PHACTR1: variants seen among roughly 807,000 people sequenced by gnomAD.
PHACTR1 encodes RPEL repeat containing 1.
In PHACTR1, 16 loss-of-function variants were observed where a neutral mutation model predicts 69.2. That is an observed-to-expected ratio of 0.23 (90% CI 0.16 to 0.35). The LOEUF (loss-of-function observed/expected upper bound fraction) is 0.35. Among genes scored for constraint, PHACTR1 ranks in the 10% least tolerant of loss-of-function variants. The pLI is 1.00. For synonymous variants in PHACTR1, 312 were observed against 284.5 expected (o/e 1.10, Z -0.97); for missense variants, 510 against 734.7 (o/e 0.69, Z 3.54).
intron 4 of PHACTR1, among the ~76,000 whole-genome samples, chr6:12,926,758 C>T (rs768034549): frequency 3.9e-5 from 6 of 152,200 alleles, no homozygotes; most frequent in Admixed American, 6.5e-5. Flanking sequence ...TTTACAAATC[C>T]GTCTTACAAA....
chr6:13,273,012 G>T, intron 11 of PHACTR1, 97 bp downstream of exon 11: 1 of 1,512,958 alleles, frequency 6.6e-7, no homozygotes, highest in Non-Finnish European at 9.0e-7. Flanking sequence ...CGCCTCTGCG[G>T]AAAGCATTGA....
At chr6:12,802,997 A>T (rs998176978) in intron 4 of PHACTR1, among the ~76,000 whole-genome samples, 3 of 152,228 alleles carry the variant, frequency 2.0e-5, no homozygotes, top group Non-Finnish European at 4.4e-5. Flanking sequence ...GTGGCTTTGT[A>T]GAGGAGCCAC....
In PHACTR1 at chr6:12,754,708, C is replaced by A. The variant is rs146443328; in HGVS notation, c.250+4918C>A. 1.7e-4 allele frequency among the ~76,000 whole-genome samples: 26 copies of A among 152,338 alleles called. 1 individual carries two copies. In the East Asian group the frequency reaches 5.0e-3, roughly 29 times the overall value. Reference sequence around the variant, plus strand: ...CCTTCGGCATTCATGGGTTCCACATCTGTGGATTCAACCAACCAGGGATGG... The same window carrying A: ...CCTTCGGCATTCATGGGTTCCACATATGTGGATTCAACCAACCAGGGATGG... On this transcript the variant is annotated intron_variant, in intron 4 of 14. Transcript: ENST00000332995.
At chr6:13,069,307 A>G (rs1325601032) in intron 5 of PHACTR1, among the ~76,000 whole-genome samples, 4 of 152,136 alleles carry the variant, frequency 2.6e-5, no homozygotes, top group Admixed American at 2.0e-4. Flanking sequence ...TCTTGTCTGG[A>G]AATTCTGTCC....
intron 4 of PHACTR1, among the ~76,000 whole-genome samples, chr6:12,811,313 T>C (rs1774989604): frequency 6.6e-6 from 1 of 152,232 alleles, no homozygotes; most frequent in Non-Finnish European, 1.5e-5. Flanking sequence ...GATGTAGCAC[T>C]GGGTTTATTT....
At chr6:13,067,744 A>T (rs566116277) in intron 5 of PHACTR1, among the ~76,000 whole-genome samples, 1 of 152,360 alleles carries the variant, frequency 6.6e-6, no homozygotes, top group Non-Finnish European at 1.5e-5. Context: ...TAGGAACAAA[A>T]TATGCATTGA....
At chr6:12,993,676 G>A (rs974186633) in intron 4 of PHACTR1, among the ~76,000 whole-genome samples, 9 of 152,230 alleles carry the variant, frequency 5.9e-5, no homozygotes, top group African/African-American at 2.2e-4. Flanking sequence ...GGAAGGAGCT[G>A]TAAGCCCAGG....
chr6:13,286,039 G>T, intron 13 of PHACTR1, 107 bp from the exon 14 acceptor site: 1 of 868,328 alleles, frequency 1.2e-6, no homozygotes, highest in Non-Finnish European at 1.6e-6. Flanking sequence ...TCTTAAACTT[G>T]TTTGTCTTTG....
At chr6:13,086,360 C>T (rs1159654237) in intron 5 of PHACTR1, among the ~76,000 whole-genome samples, 2 of 152,088 alleles carry the variant, frequency 1.3e-5, no homozygotes, top group African/African-American at 2.4e-5. Context: ...AATTTACACT[C>T]AGCAAAATTA....
chr6:12,797,171 G>A (rs756113317), intron 4 of PHACTR1, among the ~76,000 whole-genome samples: 4 of 151,992 alleles, frequency 2.6e-5, no homozygotes, highest in East Asian at 1.9e-4. Flanking sequence ...TAGATGAAGC[G>A]GGACAGATTG....
chr6:13,126,008 C>G (rs1327499699), intron 5 of PHACTR1, among the ~76,000 whole-genome samples: 1 of 151,902 alleles, frequency 6.6e-6, no homozygotes, highest in African/African-American at 2.4e-5. Flanking sequence ...GGAAGATGTC[C>G]AGATTGTGCA....
chr6:13,285,417 G>T (rs1371495216), intron 13 of PHACTR1, among the ~76,000 whole-genome samples: 2 of 152,154 alleles, frequency 1.3e-5, no homozygotes, highest in African/African-American at 4.8e-5. Flanking sequence ...ATGCAAGAAG[G>T]CACACGTTTG....
chr6:13,138,353 A>G (rs1583536140), intron 5 of PHACTR1, among the ~76,000 whole-genome samples: 1 of 152,362 alleles, frequency 6.6e-6, no homozygotes, highest in Admixed American at 6.5e-5. Flanking sequence ...AGGATTTACA[A>G]TTGTAAGCTT....
intron 4 of PHACTR1, among the ~76,000 whole-genome samples, chr6:12,827,488 T>C (rs1446117854): frequency 6.6e-6 from 1 of 152,202 alleles, no homozygotes; most frequent in Non-Finnish European, 1.5e-5. Flanking sequence ...TTAAGATATA[T>C]CCATGTGAAT....
intron 4 of PHACTR1, among the ~76,000 whole-genome samples, chr6:12,764,774 C>A (rs141410674): frequency 6.6e-6 from 1 of 151,930 alleles, no homozygotes; most frequent in African/African-American, 2.4e-5. Context: ...GGGCTCCCAC[C>A]GATTTGCAAT....
At chr6:12,931,003 C>CAAAAAAAAAAAAAAAAAAAAAAAAAAAAA (rs34965562) in intron 4 of PHACTR1, among the ~76,000 whole-genome samples, 1 of 86,190 alleles carries the variant, frequency 1.2e-5, no homozygotes. Flanking sequence ...AACTCTGTCT[C>CAAAAAAAAAAAAAAAAAAAAAAAAAAAAA]AAAAAAAAAA....
intron 4 of PHACTR1, among the ~76,000 whole-genome samples, chr6:13,022,838 G>A (rs192065717): frequency 6.1e-4 from 93 of 151,930 alleles, no homozygotes; most frequent in Admixed American, 5.3e-3. Context: ...GCAACATGGC[G>A]AAACCCCGTC....
chr6:12,745,789 G>A lies in PHACTR1; in HGVS notation c.104-3855G>A, dbSNP rs111786725. Among the ~76,000 whole-genome samples, 1,331 of 152,294 alleles carry A rather than the reference G, an allele frequency of 8.7e-3. 28 individuals are homozygous for A. Among genetic ancestry groups the A allele is most frequent in the African/African-American group, 0.031 (1,280 of 41,540 alleles). On this transcript the variant is annotated intron_variant, in intron 3 of 14. Transcript: ENST00000332995. ...CACTAGAGTATTGGAGTTAGGCAGC[G>A]CCTTTAAGATCATGATATCTGACCC...
At chr6:13,276,717 A>G (rs1217861837) in intron 11 of PHACTR1, among the ~76,000 whole-genome samples, 3 of 152,172 alleles carry the variant, frequency 2.0e-5, no homozygotes, top group Non-Finnish European at 4.4e-5. Context: ...GTTTGCAGTG[A>G]GCCGAGATCA....
Sources: gnomAD v4.1 joint callset for allele counts (sites outside exome capture counted in the v4.1 genomes callset) on GRCh38, gnomAD v4.1.1 for gene constraint, MANE v1.5 for transcripts, NCBI Gene and HGNC (gene_info 2026-07-23, HGNC 2026-07-21) for gene names.